ATP6V1E2: variants seen among roughly 807,000 people sequenced by gnomAD.
ATP6V1E2 encodes V-type proton ATPase subunit E 2.
For missense variants in ATP6V1E2, 308 were observed against 273.3 expected, an observed-to-expected ratio of 1.13 and a Z score of -0.90; for synonymous variants, 121 against 104.2, an observed-to-expected ratio of 1.16 and a Z score of -0.98.
intron 4 of ATP6V1E2, among the ~76,000 whole-genome samples, chr2:46,515,285 AG>A (rs2103830806): frequency 6.6e-6 from 1 of 152,372 alleles, no homozygotes; most frequent in East Asian, 1.9e-4. Context: ...AGAAGTTAAA[AG>A]GCAAAAGTAT....
At chr2:46,527,209 G>A (rs1006822921) in intron 4 of ATP6V1E2, among the ~76,000 whole-genome samples, 1 of 151,704 alleles carries the variant, frequency 6.6e-6, no homozygotes, top group Non-Finnish European at 1.5e-5. Context: ...GCACACCATC[G>A]TGTCTAATTT....
Position 46,512,279 on chromosome 2 carries a change from C to G in ATP6V1E2, c.433G>C (p.Glu145Gln). ...RCRPQDLLLV[E>Q]AAVQKAIPEY... The stretch of plus-strand genomic sequence containing the variant: ...GGGATGGCTTTTTGTACAGCAGCCT[C>G]CACCAGGAGGAGGTCTTGTGGCCGG... The change falls in exon 5 of 5, where the codon GAG (glutamate) becomes CAG (glutamine). Residue 145 changes from glutamate (E) to glutamine (Q), a missense_variant. Physicochemically the swap from Glu to Gln is conservative, Grantham distance 29. Coordinates refer to ENST00000522587, the MANE Select transcript of ATP6V1E2 (RefSeq NM_001318063.2). 2 of 1,611,916 alleles carry G rather than the reference C, an allele frequency of 1.2e-6. No individual in the cohort carries two copies. The highest frequency in any genetic ancestry group is 1.1e-5 in the South Asian group (1 of 90,852).
Position 46,538,799 on chromosome 2 carries a change from G to A in ATP6V1E2, c.-309-2096C>T, listed in dbSNP as rs970430025. Among the ~76,000 whole-genome samples, 4 of 152,140 alleles carry A rather than the reference G, an allele frequency of 2.6e-5. No individual in the cohort carries two copies. In the East Asian group the frequency reaches 7.7e-4, roughly 29 times the overall value. On this transcript the variant is annotated intron_variant, in intron 2 of 4. Transcript: ENST00000522587. ...GCAAAAGAGGAGAAACTCCTGCTGT[G>A]AATCCCAAATTCAAAATTCTCAGGC...
chr2:46,527,674 G>C (rs548054986), intron 4 of ATP6V1E2, among the ~76,000 whole-genome samples: 175 of 152,060 alleles, frequency 1.2e-3, no homozygotes, highest in African/African-American at 3.9e-3. Flanking sequence ...TCCTGGGTTT[G>C]TTGTTGTTGT....
chr2:46,541,327 G>C (rs1434124913), intron 2 of ATP6V1E2, 63 bp downstream of exon 2: 1 of 152,252 alleles, frequency 6.6e-6, no homozygotes, highest in Non-Finnish European at 1.5e-5. Context: ...CCTAGTCGCA[G>C]ACACGCAGGG....
chr2:46,542,115 G>C (rs1212367496), intron 1 of ATP6V1E2, 102 bp downstream of exon 1: 2 of 152,054 alleles, frequency 1.3e-5, no homozygotes, highest in Admixed American at 1.3e-4. Flanking sequence ...GCGTGGGGTG[G>C]TGGTGGTGGG....
At chr2:46,522,711 G>T (rs894131394) in intron 4 of ATP6V1E2, among the ~76,000 whole-genome samples, 3 of 152,290 alleles carry the variant, frequency 2.0e-5, no homozygotes, top group South Asian at 4.1e-4. Flanking sequence ...ACATGTGCAT[G>T]TGTCTTTATA....
chr2:46,533,396 C>G (rs1667286248), intron 4 of ATP6V1E2, among the ~76,000 whole-genome samples: 1 of 152,082 alleles, frequency 6.6e-6, no homozygotes, highest in Non-Finnish European at 1.5e-5. Context: ...CCTCAGCCAC[C>G]TGAGTAGCTG....
chr2:46,540,613 C>CTTTTTTTTTT (rs59810518), intron 2 of ATP6V1E2, among the ~76,000 whole-genome samples: 1,266 of 115,344 alleles, frequency 0.011, 88 homozygotes, highest in Non-Finnish European at 0.015. Flanking sequence ...TTTTCTGTAA[C>CTTTTTTTTTT]TTTTTTTTTT....
At chr2:46,520,913 T>C (rs1414863478) in intron 4 of ATP6V1E2, among the ~76,000 whole-genome samples, 1 of 151,998 alleles carries the variant, frequency 6.6e-6, no homozygotes, top group African/African-American at 2.4e-5. Flanking sequence ...GTCAGACAAG[T>C]ACATGAAACG....
Position 46,533,125 on chromosome 2 carries a change from G to A in ATP6V1E2, c.-102+2688C>T, listed in dbSNP as rs139948723. On this transcript the variant is annotated intron_variant, in intron 4 of 4. Coordinates refer to ENST00000522587, the MANE Select transcript of ATP6V1E2 (RefSeq NM_001318063.2). ...TCTAACATTATATTATATATCTAAT[G>A]TTATATTATATACCTAACATATTAT... is the stretch of plus-strand genomic sequence containing the variant. 2.9e-3 allele frequency among the ~76,000 whole-genome samples: 429 copies of A among 146,656 alleles called. 5 individuals are homozygous for A. The highest frequency in any genetic ancestry group is 0.01 in the African/African-American group (404 of 39,984).
chr2:46,527,828 T>C (rs1163618489), intron 4 of ATP6V1E2: 1 of 152,256 alleles, frequency 6.6e-6, no homozygotes, highest in Non-Finnish European at 1.5e-5. Context: ...GCTTATCTTC[T>C]TTGGAAACTG....
intron 4 of ATP6V1E2, among the ~76,000 whole-genome samples, chr2:46,525,969 T>C (rs1194623701): frequency 1.3e-5 from 2 of 152,116 alleles, no homozygotes; most frequent in Non-Finnish European, 2.9e-5. Context: ...TCTGTTGCCT[T>C]AGAAAATGTG....
intron 4 of ATP6V1E2, among the ~76,000 whole-genome samples, chr2:46,529,640 C>T (rs932717169): frequency 6.6e-6 from 1 of 152,140 alleles, no homozygotes; most frequent in African/African-American, 2.4e-5. Flanking sequence ...CCTATGGTCT[C>T]AGCTACTCAG....
At chr2:46,515,062 A>G (rs1224327314) in intron 4 of ATP6V1E2, among the ~76,000 whole-genome samples, 1 of 152,212 alleles carries the variant, frequency 6.6e-6, no homozygotes, top group African/African-American at 2.4e-5. Flanking sequence ...AAAGAAAACT[A>G]AAGATTTTGC....
At chr2:46,534,394 T>G (rs1031216820) in intron 4 of ATP6V1E2, 1 of 152,186 alleles carries the variant, frequency 6.6e-6, no homozygotes, top group Non-Finnish European at 1.5e-5. Flanking sequence ...ATTTGGTTAT[T>G]TTCTATATCT....
chr2:46,513,777 A>T (rs928208781), intron 4 of ATP6V1E2, among the ~76,000 whole-genome samples: 4 of 150,936 alleles, frequency 2.7e-5, no homozygotes, highest in Non-Finnish European at 4.4e-5. Flanking sequence ...GTGAGCTGAG[A>T]TCGCGCCACT....
chr2:46,512,087 G>C lies in ATP6V1E2; in HGVS notation c.625C>G (p.Pro209Ala). 1.2e-6 allele frequency: 2 copies of C among 1,613,346 alleles called. No individual in the cohort carries two copies. The highest frequency in any genetic ancestry group is 8.5e-7 in the Non-Finnish European group (1 of 1,179,686). The change falls in exon 5 of 5, where the codon CCA (proline) becomes GCA (alanine). Residue 209 changes from proline to alanine, a missense_variant. Coordinates refer to ENST00000522587, the MANE Select transcript of ATP6V1E2 (RefSeq NM_001318063.2). ...CCAAACAAGGCCATTCGTATTTCTG[G>C]CATCTTTTGCTTGGCTGAGAGATCC... ...RLDLSAKQKM[P>A]EIRMALFGAN...
chr2:46,514,177 G>C (rs1297229522), intron 4 of ATP6V1E2, among the ~76,000 whole-genome samples: 1 of 152,040 alleles, frequency 6.6e-6, no homozygotes, highest in Non-Finnish European at 1.5e-5. Context: ...CTACTCAGGG[G>C]GCTGAGGCAG....
Sources: gnomAD v4.1 joint callset for allele counts (sites outside exome capture counted in the v4.1 genomes callset) on GRCh38, gnomAD v4.1.1 for gene constraint, MANE v1.5 for transcripts, NCBI Gene and HGNC (gene_info 2026-07-23, HGNC 2026-07-21) for gene names.